GDA: variants seen among roughly 807,000 people sequenced by gnomAD.
The protein encoded by GDA is cytoplasmic PSD-95 interactor.
GDA carries 18 observed loss-of-function variants against 59.6 expected under a neutral mutation model. The ratio of observed to expected loss-of-function variants is 0.30; its 90% CI spans 0.21 to 0.45. The LOEUF (loss-of-function observed/expected upper bound fraction) is 0.45. Among genes scored for constraint, GDA ranks in the 20% least tolerant of loss-of-function variants. The probability of loss-of-function intolerance (pLI) is 1.00; values close to 1 mark genes in which losing one functional copy is unlikely to be tolerated. For missense variants in GDA, 427 were observed against 552.3 expected (o/e 0.77, Z 2.27); for synonymous variants, 201 against 201.1 (o/e 1.00, Z 0.00).
intron 10 of GDA, among the ~76,000 whole-genome samples, chr9:72,234,398 G>A (rs1021002524): frequency 5.9e-5 from 9 of 152,148 alleles, no homozygotes; most frequent in Middle Eastern, 3.2e-3. Context: ...AGTTATATAT[G>A]TATTATGATA....
chr9:72,130,230 T>C (rs1222953637), intron 1 of GDA, among the ~76,000 whole-genome samples: 1 of 152,188 alleles, frequency 6.6e-6, no homozygotes, highest in Non-Finnish European at 1.5e-5. Flanking sequence ...CAGGTGAAAG[T>C]AAGCCAAAAA....
chr9:72,123,590 C>T (rs926886630), intron 1 of GDA, among the ~76,000 whole-genome samples: 9 of 150,188 alleles, frequency 6.0e-5, no homozygotes, highest in East Asian at 2.0e-4. Flanking sequence ...CGGGTTCAAG[C>T]GATTCTCCTG....
At chr9:72,140,195 G>T (rs751473334) in intron 1 of GDA, among the ~76,000 whole-genome samples, 1 of 152,170 alleles carries the variant, frequency 6.6e-6, no homozygotes, top group South Asian at 2.1e-4. Flanking sequence ...TCAGCCTATT[G>T]TGGCAAATAA....
chr9:72,259,341 G>A (rs1840916809), downstream of GDA, among the ~76,000 whole-genome samples: 1 of 152,086 alleles, frequency 6.6e-6, no homozygotes, highest in South Asian at 2.1e-4. Flanking sequence ...TTTTTGCAGT[G>A]AGCAAATCAA....
chr9:72,217,931 T>G (rs1836347898), intron 5 of GDA, among the ~76,000 whole-genome samples: 1 of 152,154 alleles, frequency 6.6e-6, no homozygotes, highest in East Asian at 1.9e-4. Flanking sequence ...TATTTTTTTT[T>G]TAGATGGAGT....
At chr9:72,150,580 AT>A (rs1185361728) in intron 1 of GDA, among the ~76,000 whole-genome samples, 1 of 152,222 alleles carries the variant, frequency 6.6e-6, no homozygotes, top group East Asian at 1.9e-4. Flanking sequence ...GAACAAAAAA[AT>A]GATAAAATAA....
chr9:72,149,475 G>T lies in GDA; in HGVS notation c.-85G>T. On this transcript the variant is annotated 5_prime_UTR_variant, in exon 1 of 14. Transcript: ENST00000358399. ...CGGAGCCTGTGTCCGCCCGGCAGCC[G>T]CCCGCAGCTGCAGAGAGTCCCGCTG... 1.3e-6 allele frequency: 2 copies of T among 1,513,924 alleles called. No individual in the cohort carries two copies. Among genetic ancestry groups the T allele is most frequent in the Admixed American group, 1.8e-5 (1 of 54,128 alleles). 93.8% of individuals were successfully genotyped at this position (1,513,924 alleles called of 1,614,324 possible). A position where few individuals can be genotyped will look rare whatever the true frequency, so the allele number is the denominator to read the frequency against.
rs71493640 is a variant in GDA at position 72,189,166 on chromosome 9, C to CTTTTTT, written c.124-6309_124-6304dup. ...CATCTGATACAGAGGAGACTCTAGA[C>CTTTTTT]TTTTTTTTTTTTTTTTTTTTTTTTT... is the stretch of plus-strand genomic sequence containing the variant. On this transcript the variant is annotated intron_variant, in intron 1 of 13. Transcript: ENST00000358399. Among the ~76,000 whole-genome samples, 22 of 54,938 alleles carry CTTTTTT rather than the reference C, an allele frequency of 4.0e-4. 6 individuals carry two copies. The highest frequency in any genetic ancestry group is 1.0e-3 in the African/African-American group (9 of 8,732). 36.0% of individuals were successfully genotyped at this position (54,938 alleles called of 152,430 possible).
At chr9:72,137,021 C>T (rs910640048) in intron 1 of GDA, among the ~76,000 whole-genome samples, 2 of 149,288 alleles carry the variant, frequency 1.3e-5, no homozygotes, top group Non-Finnish European at 3.0e-5. Context: ...CAAAAACATA[C>T]ATATGAATAT....
At chr9:72,214,136 A>T (rs1835782290) in intron 5 of GDA, 145 bp downstream of exon 5, 9 of 585,252 alleles carry the variant, frequency 1.5e-5, no homozygotes, top group Non-Finnish European at 2.8e-5. Flanking sequence ...TGTTTAATGC[A>T]ATGGGTCGGT....
intron 1 of GDA, among the ~76,000 whole-genome samples, chr9:72,174,861 A>G (rs1336562892): frequency 6.6e-6 from 1 of 152,138 alleles, no homozygotes; most frequent in Non-Finnish European, 1.5e-5. Context: ...AGGGACAGCT[A>G]AACTGAAGTT....
intron 12 of GDA, among the ~76,000 whole-genome samples, chr9:72,245,757 G>C (rs1421215490): frequency 6.6e-6 from 1 of 152,206 alleles, no homozygotes; most frequent in Non-Finnish European, 1.5e-5. Context: ...GGGACTTTCT[G>C]ACTACGAGAG....
chr9:72,169,266 TG>T (rs1330246028), intron 1 of GDA, among the ~76,000 whole-genome samples: 1 of 152,216 alleles, frequency 6.6e-6, no homozygotes, highest in Non-Finnish European at 1.5e-5. Context: ...GAGAGGAATT[TG>T]CAAGGCAAGT....
intron 1 of GDA, among the ~76,000 whole-genome samples, chr9:72,160,074 C>T (rs1229913408): frequency 3.3e-5 from 5 of 151,946 alleles, no homozygotes; most frequent in East Asian, 1.9e-4. Context: ...CCGAGGCGGG[C>T]GGATCATGAG....
intron 1 of GDA, among the ~76,000 whole-genome samples, chr9:72,175,351 G>C (rs981332277): frequency 1.4e-4 from 22 of 152,204 alleles, no homozygotes; most frequent in Admixed American, 5.2e-4. Flanking sequence ...TTCTATTCAG[G>C]GGGTACGACA....
chr9:72,174,827 G>C (rs1279486121), intron 1 of GDA, among the ~76,000 whole-genome samples: 2 of 152,018 alleles, frequency 1.3e-5, no homozygotes, highest in Admixed American at 1.3e-4. Flanking sequence ...GTGGGGATGG[G>C]GAATTGGAAA....
downstream of GDA, among the ~76,000 whole-genome samples, chr9:72,255,226 G>A (rs1840857447): frequency 6.6e-6 from 1 of 152,164 alleles, no homozygotes; most frequent in Non-Finnish European, 1.5e-5. Context: ...GCAAATTAAC[G>A]GGTGGGTGGA....
At chr9:72,244,802 A>G (rs1373597453) in intron 11 of GDA, among the ~76,000 whole-genome samples, 2 of 152,202 alleles carry the variant, frequency 1.3e-5, no homozygotes, top group African/African-American at 2.4e-5. Flanking sequence ...GAATAAAGGT[A>G]TTATGTTAAT....
At chr9:72,156,470 G>A (rs1211237067) in intron 1 of GDA, among the ~76,000 whole-genome samples, 1 of 152,120 alleles carries the variant, frequency 6.6e-6, no homozygotes, top group Admixed American at 6.5e-5. Context: ...AAGGAAACTG[G>A]GCTAATCCCT....
Sources: allele counts gnomAD v4.1 joint callset (sites outside exome capture counted in the v4.1 genomes callset), GRCh38; gene constraint gnomAD v4.1.1; transcripts MANE v1.5; gene names NCBI Gene and HGNC (gene_info 2026-07-23, HGNC 2026-07-21).